MAP4K4: variants seen among roughly 807,000 people sequenced by gnomAD.
MAP4K4 encodes the protein HPK/GCK-like kinase HGK.
A neutral mutation model predicts 189.6 loss-of-function variants in MAP4K4; 38 were observed. The ratio of observed to expected loss-of-function variants is 0.20; its 90% CI spans 0.15 to 0.26. The LOEUF is 0.26. MAP4K4 is among the 10% of genes least tolerant of loss of function. The probability of loss-of-function intolerance (pLI) is 1.00; values close to 1 mark genes in which losing one functional copy is unlikely to be tolerated. For synonymous variants in MAP4K4, 610 were observed against 624.3 expected, an observed-to-expected ratio of 0.98 and a Z score of 0.34; for missense variants, 1,054 against 1,726.9, an observed-to-expected ratio of 0.61 and a Z score of 6.91.
At chr2:101,837,148 T>C (rs1018333849) in intron 9 of MAP4K4, among the ~76,000 whole-genome samples, 2 of 151,448 alleles carry the variant, frequency 1.3e-5, no homozygotes, top group Non-Finnish European at 2.9e-5. Context: ...CAATTGATGC[T>C]GCCTCCTCTT....
At chr2:101,756,514 C>T (rs2072893302) in intron 2 of MAP4K4, among the ~76,000 whole-genome samples, 1 of 152,082 alleles carries the variant, frequency 6.6e-6, no homozygotes, top group African/African-American at 2.4e-5. Flanking sequence ...GACCTGTGTC[C>T]TCTGGGGTCT....
intron 2 of MAP4K4, among the ~76,000 whole-genome samples, chr2:101,750,717 C>G (rs1295010642): frequency 1.3e-5 from 2 of 151,374 alleles, no homozygotes; most frequent in Non-Finnish European, 2.9e-5. Context: ...CCTAGCTACT[C>G]AGGAGGCTGA....
chr2:101,880,602 G>A (rs1025708413), intron 27 of MAP4K4, among the ~76,000 whole-genome samples: 1 of 151,404 alleles, frequency 6.6e-6, no homozygotes, highest in Non-Finnish European at 1.5e-5. Flanking sequence ...TCTGCCTTCC[G>A]GGTTCAAGCA....
chr2:101,715,854 A>G (rs2149368380), intron 2 of MAP4K4, among the ~76,000 whole-genome samples: 1 of 152,300 alleles, frequency 6.6e-6, no homozygotes, highest in South Asian at 2.1e-4. Flanking sequence ...ATCTGTATTT[A>G]TAGCCGCTCC....
In MAP4K4 at chr2:101,786,482, G is replaced by A. The variant is rs57819286; in HGVS notation, c.124-4238G>A. On this transcript the variant is annotated intron_variant, in intron 2 of 32. Transcript: ENST00000324219. ...ACTAAGAAGGTTGCTCTATCAAAGG[G>A]GATAACGGTTCTGGTTATTTGAGCC... Among the ~76,000 whole-genome samples, 1,145 of 152,208 alleles carry A rather than the reference G, an allele frequency of 7.5e-3. 62 individuals are homozygous for A. The East Asian group carries it at 0.13, about 17-fold the overall frequency.
chr2:101,811,802 C>A (rs1427155489), intron 3 of MAP4K4, among the ~76,000 whole-genome samples: 1 of 152,098 alleles, frequency 6.6e-6, no homozygotes, highest in Non-Finnish European at 1.5e-5. Flanking sequence ...ACTTACTGAC[C>A]TTCATTTTTT....
intron 2 of MAP4K4, among the ~76,000 whole-genome samples, chr2:101,729,317 A>G (rs114980613): frequency 1.6e-4 from 25 of 152,240 alleles, no homozygotes; most frequent in African/African-American, 5.8e-4. Flanking sequence ...AGTACAATCT[A>G]TTTGTGTGCA....
At chr2:101,781,706 G>A (rs1324001823) in intron 2 of MAP4K4, among the ~76,000 whole-genome samples, 2 of 152,168 alleles carry the variant, frequency 1.3e-5, no homozygotes, top group Non-Finnish European at 1.5e-5. Context: ...TTTTCAACAC[G>A]TGAACTTTGG....
chr2:101,710,521 C>T (rs149780088), intron 2 of MAP4K4, among the ~76,000 whole-genome samples: 1 of 152,132 alleles, frequency 6.6e-6, no homozygotes, highest in Non-Finnish European at 1.5e-5. Context: ...GTGCCAGGCA[C>T]CATGCGAGGC....
chr2:101,711,741 T>C (rs1158611815), intron 2 of MAP4K4, among the ~76,000 whole-genome samples: 3 of 152,218 alleles, frequency 2.0e-5, no homozygotes, highest in African/African-American at 7.2e-5. Flanking sequence ...TTTTGCATTA[T>C]TTTGTATAAG....
intron 2 of MAP4K4, among the ~76,000 whole-genome samples, chr2:101,746,099 C>T (rs1205432248): frequency 3.9e-5 from 6 of 151,972 alleles, no homozygotes; most frequent in Admixed American, 3.9e-4. Flanking sequence ...CAAGTGATCT[C>T]CCACTTCACC....
intron 16 of MAP4K4, chr2:101,861,268 T>A (rs2097647546): frequency 3.7e-6 from 1 of 272,342 alleles, no homozygotes; most frequent in Non-Finnish European, 6.9e-6. Flanking sequence ...CTCCTTTTTC[T>A]GATACAAAGA....
chr2:101,863,305 CA>C (rs2097718660), intron 16 of MAP4K4, among the ~76,000 whole-genome samples: 1 of 152,184 alleles, frequency 6.6e-6, no homozygotes, highest in Non-Finnish European at 1.5e-5. Context: ...ATTATAGTCT[CA>C]AAACGTGGGG....
At chr2:101,832,609 C>T (rs2096623021) in intron 7 of MAP4K4, among the ~76,000 whole-genome samples, 2 of 152,174 alleles carry the variant, frequency 1.3e-5, no homozygotes. Context: ...ACTTTCCACT[C>T]TTTACTGTGT....
intron 2 of MAP4K4, among the ~76,000 whole-genome samples, chr2:101,781,143 T>C (rs2087153385): frequency 6.6e-6 from 1 of 152,210 alleles, no homozygotes; most frequent in South Asian, 2.1e-4. Context: ...CATGTGCTAA[T>C]CCTTTTTTCG....
At chr2:101,810,953 A>G (rs1382172457) in intron 3 of MAP4K4, among the ~76,000 whole-genome samples, 2 of 152,348 alleles carry the variant, frequency 1.3e-5, no homozygotes, top group Admixed American at 6.5e-5. Flanking sequence ...CCTTATGCAC[A>G]CTGCTGATAG....
At chr2:101,754,014 A>G (rs2070772661) in intron 2 of MAP4K4, among the ~76,000 whole-genome samples, 1 of 152,130 alleles carries the variant, frequency 6.6e-6, no homozygotes, top group South Asian at 2.1e-4. Flanking sequence ...GAAGGGGATG[A>G]TTGACAAGCC....
intron 2 of MAP4K4, among the ~76,000 whole-genome samples, chr2:101,723,682 G>A (rs1249116788): frequency 6.6e-6 from 1 of 152,180 alleles, no homozygotes; most frequent in Admixed American, 6.5e-5. Flanking sequence ...TTAACTGCTT[G>A]TTTTTAAGTA....
chr2:101,710,662 G>T (rs745908418), intron 2 of MAP4K4, among the ~76,000 whole-genome samples: 5 of 152,212 alleles, frequency 3.3e-5, no homozygotes, highest in Non-Finnish European at 5.9e-5. Flanking sequence ...AATAGCAGGG[G>T]CCTATGGGAG....
Sources: gnomAD v4.1 joint callset for allele counts (sites outside exome capture counted in the v4.1 genomes callset) on GRCh38, gnomAD v4.1.1 for gene constraint, MANE v1.5 for transcripts, NCBI Gene and HGNC (gene_info 2026-07-23, HGNC 2026-07-21) for gene names.